Variants in ABCB1 observed in about 807,000 individuals in gnomAD.
ABCB1 encodes the protein ATP binding cassette subfamily B member 1.
A neutral mutation model predicts 142.0 loss-of-function variants in ABCB1; 69 were observed. That is an observed-to-expected ratio of 0.49 (90% confidence interval 0.40 to 0.59). ABCB1 has a LOEUF of 0.59. Among genes scored for constraint, ABCB1 ranks in the 20% least tolerant of loss-of-function variants. ABCB1 has a pLI of 0.00. For missense variants in ABCB1, 1,326 were observed against 1,554.7 expected (o/e 0.85, Z 2.47); for synonymous variants, 532 against 539.2 (o/e 0.99, Z 0.18).
intron 3 of ABCB1, among the ~76,000 whole-genome samples, chr7:87,586,897 A>C (rs2129933105): frequency 1.2e-5 from 1 of 84,394 alleles, no homozygotes; most frequent in Middle Eastern, 7.7e-3. Flanking sequence ...ATGGTGTGTA[A>C]AAAAGAGTAT....
At chr7:87,516,719 A>C in intron 23 of ABCB1, 54 bp from the exon 24 acceptor site, 2 of 1,452,134 alleles carry the variant, frequency 1.4e-6, no homozygotes, top group Non-Finnish European at 1.8e-6. Flanking sequence ...CAATGCTAGA[A>C]AGCTGACACT....
intron 4 of ABCB1, among the ~76,000 whole-genome samples, chr7:87,570,766 G>GAC (rs28381836): frequency 4.7e-4 from 71 of 151,098 alleles, no homozygotes; most frequent in Middle Eastern, 3.4e-3. Flanking sequence ...CTAACACACA[G>GAC]ACACACACAC....
intron 9 of ABCB1, among the ~76,000 whole-genome samples, chr7:87,551,764 G>T (rs1817082525): frequency 6.6e-6 from 1 of 152,000 alleles, no homozygotes; most frequent in African/African-American, 2.4e-5. Context: ...AGTCTTACTT[G>T]CTCAATAAAC....
chr7:87,587,854 G>A (rs567874816), intron 3 of ABCB1, among the ~76,000 whole-genome samples: 155 of 135,640 alleles, frequency 1.1e-3, no homozygotes, highest in Non-Finnish European at 1.9e-3. Flanking sequence ...CAGCCTGGGC[G>A]ACAGAGTGAG....
At chr7:87,611,069 C>T (rs553410730) in intron 1 of ABCB1, among the ~76,000 whole-genome samples, 4 of 152,296 alleles carry the variant, frequency 2.6e-5, no homozygotes, top group East Asian at 1.9e-4. Context: ...TAACTCCCTT[C>T]GTAACAGCCA....
At chr7:87,615,223 C>T (rs1277455333) in intron 1 of ABCB1, among the ~76,000 whole-genome samples, 2 of 152,128 alleles carry the variant, frequency 1.3e-5, no homozygotes, top group African/African-American at 4.8e-5. Flanking sequence ...ATCTTGTCCA[C>T]TTCTATAATC....
chr7:87,645,115 T>C (rs1347547189), intron 1 of ABCB1, among the ~76,000 whole-genome samples: 10 of 150,128 alleles, frequency 6.7e-5, no homozygotes. Context: ...AGAGTTTTGC[T>C]CTTGTTGCTC....
chr7:87,627,907 CAAG>C (rs1335391085), intron 1 of ABCB1: 1 of 152,306 alleles, frequency 6.6e-6, no homozygotes, highest in African/African-American at 2.4e-5. Flanking sequence ...CTAGACGCGC[CAAG>C]AAGGAGATTC....
chr7:87,523,585 G>A (rs1815635456), intron 21 of ABCB1, among the ~76,000 whole-genome samples: 1 of 152,180 alleles, frequency 6.6e-6, no homozygotes, highest in African/African-American at 2.4e-5. Context: ...TGGCGTCACT[G>A]CACTCTAGCC....
intron 27 of ABCB1, 76 bp downstream of exon 27, chr7:87,505,821 G>T: frequency 1.3e-6 from 2 of 1,555,958 alleles, no homozygotes; most frequent in South Asian, 2.2e-5. Context: ...GCTGCATTTT[G>T]TTCTTTACTA....
intron 4 of ABCB1, among the ~76,000 whole-genome samples, chr7:87,578,893 C>A (rs1051823253): frequency 1.3e-5 from 2 of 151,682 alleles, no homozygotes; most frequent in African/African-American, 4.8e-5. Context: ...CAGGGTTTCA[C>A]CGTTTTAGCC....
intron 1 of ABCB1, among the ~76,000 whole-genome samples, chr7:87,616,999 G>A (rs1820052663): frequency 6.6e-6 from 1 of 152,172 alleles, no homozygotes; most frequent in South Asian, 2.1e-4. Context: ...TGTGACAAGG[G>A]GAGGAGAGAT....
intron 1 of ABCB1, among the ~76,000 whole-genome samples, chr7:87,704,093 G>A (rs1829382603): frequency 6.6e-6 from 1 of 150,984 alleles, no homozygotes; most frequent in Middle Eastern, 3.4e-3. Context: ...GCTAATTTTT[G>A]TATTTTTAGT....
chr7:87,672,469 T>G (rs1466816608), intron 1 of ABCB1, among the ~76,000 whole-genome samples: 1 of 152,092 alleles, frequency 6.6e-6, no homozygotes, highest in Non-Finnish European at 1.5e-5. Flanking sequence ...GGTCTTATCT[T>G]GTGGGGTGCC....
chr7:87,657,602 G>A (rs1380697800), intron 1 of ABCB1, among the ~76,000 whole-genome samples: 1 of 152,102 alleles, frequency 6.6e-6, no homozygotes, highest in Non-Finnish European at 1.5e-5. Flanking sequence ...TTCCCACAAT[G>A]TTGACGGAAC....
At chr7:87,640,533 T>C (rs867012345) in intron 1 of ABCB1, among the ~76,000 whole-genome samples, 2 of 152,008 alleles carry the variant, frequency 1.3e-5, no homozygotes, top group Non-Finnish European at 2.9e-5. Context: ...TTTGTAGATA[T>C]AGGATCTGGC....
At chr7:87,711,142 C>T (rs994621111) in intron 1 of ABCB1, among the ~76,000 whole-genome samples, 6 of 152,002 alleles carry the variant, frequency 3.9e-5, no homozygotes, top group Non-Finnish European at 7.4e-5. Flanking sequence ...GCCTGACCAA[C>T]ATGGATAAAC....
intron 2 of ABCB1, among the ~76,000 whole-genome samples, chr7:87,599,557 G>T (rs544771308): frequency 6.6e-6 from 1 of 152,238 alleles, no homozygotes; most frequent in South Asian, 2.1e-4. Context: ...CCGCCTGTCT[G>T]GGGCAGGAAA....
At chr7:87,542,613 T>C (rs1816589928) in intron 17 of ABCB1, among the ~76,000 whole-genome samples, 1 of 152,134 alleles carries the variant, frequency 6.6e-6, no homozygotes. Context: ...AAATCATAAG[T>C]TGAGGTTTTG....
Sources: allele counts gnomAD v4.1 joint callset (sites outside exome capture counted in the v4.1 genomes callset), GRCh38; gene constraint gnomAD v4.1.1; transcripts MANE v1.5; gene names NCBI Gene and HGNC (gene_info 2026-07-23, HGNC 2026-07-21).